INSM1: variants seen among roughly 807,000 people sequenced by gnomAD.
INSM1 encodes insulinoma-associated protein 1.
Under a neutral mutation model 21.1 loss-of-function variants are expected in INSM1, and 11 were observed. That is an observed-to-expected ratio of 0.52 (90% CI 0.33 to 0.86). INSM1 has a LOEUF of 0.86. Among genes scored for constraint, INSM1 ranks in the 40% least tolerant of loss-of-function variants. The pLI, the probability that INSM1 is intolerant of heterozygous loss-of-function variation, is 0.03. For synonymous variants in INSM1, 473 were observed against 386.1 expected, an observed-to-expected ratio of 1.23 and a Z score of -2.64; for missense variants, 843 against 760.1, an observed-to-expected ratio of 1.11 and a Z score of -1.28.
rs1307646694 is a variant in INSM1, at chr20:20,368,507, G to T, written c.240G>T (p.Pro80=). 4.1e-6 allele frequency: 5 copies of T among 1,213,346 alleles called. No individual in the cohort carries two copies. Among genetic ancestry groups the T allele is most frequent in the East Asian group, 8.2e-5 (2 of 24,386 alleles). The allele number at this position is 1,213,346 out of a possible 1,614,324, so 75.2% of individuals were successfully genotyped here. Residue 80 remains proline, a synonymous_variant, in exon 1 of 1, where the codon CCG becomes CCT. Transcript: ENST00000310227. The surrounding 1 kb of genome is among the most constrained non-coding windows in gnomAD (Gnocchi z 4.3). ...GCGCGCCTGGGCCGCAGCCACCCCC[G>T]CAGGGCCCGCGGGCCGCGCACTTCG... ...LACAPGPQPP[P]QGPRAAHFGN... is the part of the protein sequence containing the mutation.
At position 20,368,158 on chromosome 20, in the gene INSM1, C is replaced by A; in HGVS notation, c.-110C>A. The A allele has an allele frequency of 2.4e-6, 2 of 826,104 alleles. No individual in the cohort carries two copies. Among genetic ancestry groups the A allele is most frequent in the Non-Finnish European group, 3.0e-6 (2 of 674,202 alleles). 51.2% of individuals were successfully genotyped at this position (826,104 alleles called of 1,614,324 possible). On this transcript the variant is annotated 5_prime_UTR_variant, in exon 1 of 1. Transcript: ENST00000310227. The surrounding 1 kb of genome is among the most constrained non-coding windows in gnomAD (Gnocchi z 4.3). Reference sequence around the variant, plus strand: ...GGGCCGAGCCGTCGCCGGCGCCACGCGAGTCCCGCAGCCGCCGCGCCCGGG... The same window carrying A: ...GGGCCGAGCCGTCGCCGGCGCCACGAGAGTCCCGCAGCCGCCGCGCCCGGG...
chr20:20,370,569 GTTAT>G lies in INSM1; in HGVS notation c.*775_*778del, dbSNP rs2059496595. On this transcript the variant is annotated 3_prime_UTR_variant, in exon 1 of 1. Transcript: ENST00000310227. ...TGTATATGTTGATTTATGAGTAATT[GTTAT>G]TTATTCTTTATTTATTTATATTAAT... is the stretch of plus-strand genomic sequence containing the variant. 6.0e-6 allele frequency: 1 copy of G among 167,026 alleles called. No homozygotes were observed. The highest frequency in any genetic ancestry group is 1.9e-4 in the East Asian group (1 of 5,188). The allele number at this position is 167,026 out of a possible 1,614,324, so 10.3% of individuals were successfully genotyped here. A position where few individuals can be genotyped will look rare whatever the true frequency, so the allele number is the denominator to read the frequency against.
Sources: allele counts gnomAD v4.1 joint callset, GRCh38; gene constraint gnomAD v4.1.1; non-coding constraint Gnocchi (gnomAD v3.1); transcripts MANE v1.5; gene names NCBI Gene and HGNC (gene_info 2026-07-23, HGNC 2026-07-21).